The following HDAC9 variants were observed in gnomAD, a reference collection of about 807,000 sequenced individuals.
The protein encoded by HDAC9 is MEF-2 interacting transcription repressor (MITR) protein.
In HDAC9, 41 loss-of-function variants were observed where a neutral mutation model predicts 139.4. The observed-to-expected ratio is 0.29, with a 90% confidence interval of 0.23 to 0.38. The LOEUF is 0.38. Among genes scored for constraint, HDAC9 ranks in the 10% least tolerant of loss-of-function variants. HDAC9 has a pLI of 1.00. For missense variants in HDAC9, 1,147 were observed against 1,297.0 expected (o/e 0.88, Z 1.78); for synonymous variants, 517 against 476.2 (o/e 1.09, Z -1.12).
intron 1 of HDAC9, among the ~76,000 whole-genome samples, chr7:18,127,778 T>C (rs1369061085): frequency 2.0e-5 from 3 of 152,112 alleles, no homozygotes; most frequent in Non-Finnish European, 2.9e-5. Context: ...AGGGTATTTT[T>C]CCCACAGAAC....
Position 18,536,372 on chromosome 7 carries a change from T to C in HDAC9, c.22+40048T>C, listed in dbSNP as rs145953845. Among the ~76,000 whole-genome samples, 412 of 152,214 alleles carry C rather than the reference T, an allele frequency of 2.7e-3. 4 individuals are homozygous for C. The highest frequency in any genetic ancestry group is 8.5e-3 in the African/African-American group (353 of 41,522). ...ATCAGCTCCCACCTAAACCACAAAT[T>C]TGAACTAAAATTTGTAACTTAATTT... On this transcript the variant is annotated intron_variant, in intron 2 of 25. Transcript: ENST00000686413.
intron 1 of HDAC9, among the ~76,000 whole-genome samples, chr7:18,407,145 T>A (rs531775771): frequency 6.6e-6 from 1 of 152,296 alleles, no homozygotes; most frequent in African/African-American, 2.4e-5. Flanking sequence ...CCTTTTTTCT[T>A]TCACTCCAGA....
Position 18,695,804 on chromosome 7 carries a change from G to A in HDAC9, c.1731+29328G>A, listed in dbSNP as rs528618495. ...GAAAAATCTATACCTAGAGAAGAGT[G>A]TCTCAGTTTTTCAGTTTTCTCACAC... On this transcript the variant is annotated intron_variant, in intron 12 of 25. Coordinates refer to ENST00000686413, the MANE Select transcript of HDAC9 (RefSeq NM_178425.4). Among the ~76,000 whole-genome samples the A allele has an allele frequency of 5.9e-5, 9 of 152,242 alleles. 1 individual carries two copies. The highest frequency in any genetic ancestry group is 2.2e-4 in the African/African-American group (9 of 41,540).
intron 1 of HDAC9, among the ~76,000 whole-genome samples, chr7:18,466,675 A>G (rs1378811087): frequency 6.6e-6 from 1 of 152,236 alleles, no homozygotes; most frequent in Non-Finnish European, 1.5e-5. Flanking sequence ...ATAATCTCCT[A>G]TTTTAAATTT....
At chr7:18,430,250 G>T (rs1024642552) in intron 1 of HDAC9, among the ~76,000 whole-genome samples, 2 of 152,126 alleles carry the variant, frequency 1.3e-5, no homozygotes, top group East Asian at 3.9e-4. Context: ...TGGCGATGGT[G>T]TCTTGCTCTA....
chr7:18,103,400 A>G (rs570441886), intron 1 of HDAC9, among the ~76,000 whole-genome samples: 1 of 152,272 alleles, frequency 6.6e-6, no homozygotes, highest in South Asian at 2.1e-4. Flanking sequence ...ATATTGTGTG[A>G]TGCTGAGGTT....
intron 2 of HDAC9, among the ~76,000 whole-genome samples, chr7:18,515,381 T>A (rs1022104853): frequency 4.6e-5 from 7 of 151,838 alleles, no homozygotes; most frequent in Non-Finnish European, 7.4e-5. Context: ...GAGAATGAAA[T>A]TTTTTTTTAG....
intron 1 of HDAC9, among the ~76,000 whole-genome samples, chr7:18,428,830 A>G (rs1366737069): frequency 6.6e-6 from 1 of 151,192 alleles, no homozygotes; most frequent in Non-Finnish European, 1.5e-5. Flanking sequence ...ATCTCCTACC[A>G]CTCTTTCCTA....
At chr7:18,742,182 A>G (rs1787520777) in intron 13 of HDAC9, among the ~76,000 whole-genome samples, 1 of 152,214 alleles carries the variant, frequency 6.6e-6, no homozygotes, top group Non-Finnish European at 1.5e-5. Flanking sequence ...TATAATACTA[A>G]GCAGCATTCC....
intron 2 of HDAC9, among the ~76,000 whole-genome samples, chr7:18,164,148 G>T (rs1787844002): frequency 1.3e-5 from 2 of 152,104 alleles, no homozygotes; most frequent in Non-Finnish European, 1.5e-5. Flanking sequence ...ACTCCATTTG[G>T]GAAGTTTTTA....
chr7:18,792,267 T>TTA (rs1231498437), intron 16 of HDAC9, among the ~76,000 whole-genome samples: 10 of 141,348 alleles, frequency 7.1e-5, no homozygotes, highest in African/African-American at 1.6e-4. Flanking sequence ...CTTTTTTTTT[T>TTA]AAAAAAAAAA....
chr7:18,369,225 C>G (rs1585416726), intron 1 of HDAC9, among the ~76,000 whole-genome samples: 1 of 151,862 alleles, frequency 6.6e-6, no homozygotes. Flanking sequence ...TTATTTGAGT[C>G]TGTTTTGTCT....
chr7:18,487,244 T>G (rs1796039373), intron 1 of HDAC9, among the ~76,000 whole-genome samples: 1 of 152,040 alleles, frequency 6.6e-6, no homozygotes, highest in South Asian at 2.1e-4. Context: ...TGTAGTAATC[T>G]TGAGGCAAAA....
chr7:18,567,939 C>T (rs757904204), intron 2 of HDAC9, among the ~76,000 whole-genome samples: 4 of 150,534 alleles, frequency 2.7e-5, no homozygotes, highest in African/African-American at 4.9e-5. Flanking sequence ...AATTTCTAAC[C>T]ATCCCTTTGC....
At chr7:18,165,416 T>TA (rs1201151331) in intron 2 of HDAC9, among the ~76,000 whole-genome samples, 1 of 152,162 alleles carries the variant, frequency 6.6e-6, no homozygotes, top group African/African-American at 2.4e-5. Flanking sequence ...CATAAAGTCT[T>TA]ATCTCAAGTA....
intron 21 of HDAC9, among the ~76,000 whole-genome samples, chr7:18,845,917 G>C (rs1174856470): frequency 6.6e-6 from 1 of 152,108 alleles, no homozygotes; most frequent in African/African-American, 2.4e-5. Context: ...GGAGTCACGT[G>C]CACTGTGGTA....
rs936682821 is a variant in HDAC9, at chr7:18,319,674, T to C, written c.-42+29159T>C. 1.2e-4 allele frequency among the ~76,000 whole-genome samples: 18 copies of C among 152,370 alleles called. No individual in the cohort carries two copies. The East Asian group carries it at 3.5e-3, about 29-fold the overall frequency. On this transcript the variant is annotated intron_variant, in intron 1 of 3. Transcript: ENST00000413509. Reference sequence around the variant, plus strand: ...TGACAAAAACATAAAAAAGGCTAAATTTAAGAGGCACTTCTGTTGTGTTCC... The same window carrying C: ...TGACAAAAACATAAAAAAGGCTAAACTTAAGAGGCACTTCTGTTGTGTTCC...
intron 12 of HDAC9, among the ~76,000 whole-genome samples, chr7:18,679,553 T>A (rs1307868786): frequency 6.6e-6 from 1 of 151,496 alleles, no homozygotes; most frequent in Non-Finnish European, 1.5e-5. Flanking sequence ...TCTTTCTTTT[T>A]CTTTTCATCT....
At chr7:18,672,238 T>C (rs952175333) in intron 12 of HDAC9, among the ~76,000 whole-genome samples, 2 of 152,060 alleles carry the variant, frequency 1.3e-5, no homozygotes, top group South Asian at 2.1e-4. Flanking sequence ...TTATTGATGG[T>C]AGCCATCCTA....
Sources: gnomAD v4.1 joint callset for allele counts (sites outside exome capture counted in the v4.1 genomes callset) on GRCh38, gnomAD v4.1.1 for gene constraint, MANE v1.5 for transcripts, NCBI Gene and HGNC (gene_info 2026-07-23, HGNC 2026-07-21) for gene names.